Variants in PHGDH observed in about 807,000 individuals in gnomAD.
The protein encoded by PHGDH is phosphoglycerate dehydrogenase.
A neutral mutation model predicts 52.6 loss-of-function variants in PHGDH; 50 were observed. The observed-to-expected ratio is 0.95, with a 90% CI of 0.76 to 1.20. PHGDH has a LOEUF of 1.20. Ranked by LOEUF, PHGDH falls within the 50% of genes most tolerant of loss-of-function variation. The probability of loss-of-function intolerance (pLI) is 0.00; values close to 1 mark genes in which losing one functional copy is unlikely to be tolerated. For missense variants in PHGDH, 630 were observed against 684.6 expected (o/e 0.92, Z 0.89); for synonymous variants, 271 against 280.5 (o/e 0.97, Z 0.34).
chr1:119,740,711 A>G (rs1652164572), intron 9 of PHGDH, among the ~76,000 whole-genome samples, 193 bp downstream of exon 9: 2 of 152,212 alleles, frequency 1.3e-5, no homozygotes, highest in Admixed American at 1.3e-4. Flanking sequence ...AAGTCGTTGG[A>G]AAGATGTACT....
chr1:119,742,852 G>T lies in PHGDH; in HGVS notation c.1255G>T (p.Gly419Trp). Residue 419 changes from glycine to tryptophan, a missense_variant, in exon 11 of 12, where the codon GGG (glycine) becomes TGG (tryptophan). Gly to Trp is a radical substitution (Grantham distance 184). Coordinates refer to ENST00000641023, the MANE Select transcript of PHGDH (RefSeq NM_006623.4). ...TGCTGCACCAGGGGAGCAAGGCTTC[G>T]GGGAATGCCTCCTGGCCGTGGCCCT... ...SPAAPGEQGF[G>W]ECLLAVALAG... The T allele has an allele frequency of 6.2e-7, 1 of 1,613,776 alleles. No individual in the cohort carries two copies. Among genetic ancestry groups the T allele is most frequent in the Non-Finnish European group, 8.5e-7 (1 of 1,179,780 alleles).
intron 7 of PHGDH, among the ~76,000 whole-genome samples, chr1:119,736,711 A>G (rs1387596608): frequency 1.3e-5 from 2 of 152,196 alleles, no homozygotes; most frequent in Non-Finnish European, 2.9e-5. Flanking sequence ...GTTTCGGGGA[A>G]AAGCCCAGTA....
chr1:119,729,700 GGTACCTGGGACCTTGAGCATCAGT>G (rs1651607448), intron 5 of PHGDH: 1 of 152,150 alleles, frequency 6.6e-6, no homozygotes, highest in African/African-American at 2.4e-5. Flanking sequence ...GAGGTGCATG[GGTACCTGGGACCTTGAGCATCAGT>G]GTCAGGAAAT....
chr1:119,713,697 G>T (rs887656414), intron 1 of PHGDH, among the ~76,000 whole-genome samples: 2 of 152,186 alleles, frequency 1.3e-5, no homozygotes, highest in South Asian at 2.1e-4. Context: ...GTGTGAAATT[G>T]TATCAGTGGC....
intron 6 of PHGDH, chr1:119,735,055 AC>A (rs1651871449): frequency 1.6e-6 from 1 of 637,290 alleles, no homozygotes; most frequent in African/African-American, 1.8e-5. Context: ...CCCACTTGAA[AC>A]AGTAATATCT....
intron 10 of PHGDH, chr1:119,742,309 C>T (rs950745259): frequency 2.8e-5 from 10 of 355,404 alleles, no homozygotes; most frequent in Admixed American, 4.2e-5. Flanking sequence ...CACGGCTTCC[C>T]GTTGGCGCCT....
intron 3 of PHGDH, 60 bp from the exon 4 acceptor site, chr1:119,726,791 C>A: frequency 1.4e-6 from 2 of 1,398,826 alleles, no homozygotes; most frequent in Non-Finnish European, 2.0e-6. Context: ...GATGTTGCAT[C>A]TCCTTCCTGG....
At chr1:119,734,329 T>C (rs956715395) in intron 5 of PHGDH, 52 of 394,998 alleles carry the variant, frequency 1.3e-4, no homozygotes, top group Non-Finnish European at 1.3e-4. Flanking sequence ...TTTTGAGCTC[T>C]GGCTGTGCCC....
chr1:119,738,774 AG>A (rs2101210415), intron 8 of PHGDH, among the ~76,000 whole-genome samples: 1 of 40,452 alleles, frequency 2.5e-5, no homozygotes, highest in Non-Finnish European at 4.9e-5. Context: ...TGGCAGAGCG[AG>A]GGGGTGGGGG....
chr1:119,723,472 C>G (rs778527654), intron 3 of PHGDH, 31 bp downstream of exon 3: 1 of 1,531,722 alleles, frequency 6.5e-7, no homozygotes. Flanking sequence ...CAAAGCTAGT[C>G]TCTCCGATAT....
In PHGDH at chr1:119,744,031, C is replaced by A. The variant is rs1035382538; in HGVS notation, c.1593C>A (p.Phe531Leu). The A allele has an allele frequency of 6.2e-7, 1 of 1,614,030 alleles. No homozygotes were observed. Among genetic ancestry groups the A allele is most frequent in the African/African-American group, 1.3e-5 (1 of 74,926 alleles). ...AGCATGTGACTGAAGCCTTCCAGTT[C>A]CACTTCTAACCTTGGAGCTCACTGG... ...WKQHVTEAFQ[F>L]HF Residue 531 changes from phenylalanine to leucine, a missense_variant, in exon 12 of 12, where the codon TTC (phenylalanine) becomes TTA (leucine). Coordinates refer to ENST00000641023, the MANE Select transcript of PHGDH (RefSeq NM_006623.4).
At chr1:119,738,068 T>G (rs1652023670) in intron 8 of PHGDH, among the ~76,000 whole-genome samples, 1 of 107,264 alleles carries the variant, frequency 9.3e-6, no homozygotes, top group South Asian at 2.9e-4. Flanking sequence ...CCATGGGGTG[T>G]TTTTTTTTTT....
chr1:119,731,815 A>G (rs1651707799), intron 5 of PHGDH, among the ~76,000 whole-genome samples: 1 of 152,192 alleles, frequency 6.6e-6, no homozygotes, highest in Non-Finnish European at 1.5e-5. Flanking sequence ...CCATGCCGGT[A>G]TGCTTAGCTA....
At chr1:119,738,629 G>T (rs587703906) in intron 8 of PHGDH, among the ~76,000 whole-genome samples, 50 of 152,352 alleles carry the variant, frequency 3.3e-4, no homozygotes, top group African/African-American at 1.0e-3. Flanking sequence ...TGGGCTTCAG[G>T]GTTTTACCCT....
At chr1:119,731,138 G>A (rs966170587) in intron 5 of PHGDH, among the ~76,000 whole-genome samples, 5 of 152,178 alleles carry the variant, frequency 3.3e-5, no homozygotes, top group African/African-American at 1.2e-4. Flanking sequence ...GTTGTCAGTG[G>A]CATAGCTGAT....
chr1:119,742,447 A>T, intron 10 of PHGDH: 1 of 450,262 alleles, frequency 2.2e-6, no homozygotes, highest in Non-Finnish European at 4.1e-6. Context: ...CCACTCCTGC[A>T]TGCCAGTCAT....
chr1:119,721,784 T>TA (rs1651179061), intron 2 of PHGDH: 1 of 158,506 alleles, frequency 6.3e-6, no homozygotes, highest in Non-Finnish European at 1.4e-5. Context: ...GCTAGCAGAC[T>TA]AATGACTAGA....
rs1409221834 is a variant in PHGDH at position 119,741,971 on chromosome 1, G to A, written c.1209+74G>A. 2.0e-5 allele frequency: 27 copies of A among 1,342,638 alleles called. No homozygotes were observed. In the East Asian group the frequency reaches 2.8e-4, roughly 14 times the overall value. 83.2% of individuals were successfully genotyped at this position (1,342,638 alleles called of 1,614,324 possible). On this transcript the variant is annotated intron_variant, in intron 10 of 11. Coordinates refer to ENST00000641023, the MANE Select transcript of PHGDH (RefSeq NM_006623.4). ...CTTCTCCCCCACATTTCCAGAGCCC[G>A]TTCTCTGAGCGGAGGCCTAGGTCCC...
rs587748045 is a variant in PHGDH at position 119,734,495 on chromosome 1, T to C, written c.511-139T>C. The C allele has an allele frequency of 3.6e-6, 3 of 832,798 alleles. No individual in the cohort carries two copies. In the African/African-American group the frequency reaches 5.0e-5, roughly 14 times the overall value. 51.6% of individuals were successfully genotyped at this position (832,798 alleles called of 1,614,324 possible). On this transcript the variant is annotated intron_variant, in intron 5 of 11. Transcript: ENST00000641023. ...GTGGAACATGGTACTTAGTGTATGG[T>C]AAATTAACTGGAGAATTAATTAAGC...
Sources: allele counts gnomAD v4.1 joint callset (sites outside exome capture counted in the v4.1 genomes callset), GRCh38; gene constraint gnomAD v4.1.1; transcripts MANE v1.5; gene names NCBI Gene and HGNC (gene_info 2026-07-23, HGNC 2026-07-21).